Variants in CD2BP2 observed in about 807,000 individuals in gnomAD.
The protein encoded by CD2BP2 is CD2 antigen cytoplasmic tail-binding protein 2.
A neutral mutation model predicts 35.9 loss-of-function variants in CD2BP2; 27 were observed. The ratio of observed to expected loss-of-function variants is 0.75; its 90% CI spans 0.55 to 1.04. The LOEUF (loss-of-function observed/expected upper bound fraction) is 1.04. CD2BP2 is among the 50% of genes least tolerant of loss of function. CD2BP2 has a pLI of 0.00. For missense variants in CD2BP2, 497 were observed against 444.3 expected (o/e 1.12, Z -1.07); for synonymous variants, 213 against 173.5 (o/e 1.23, Z -1.79).
rs1412764742 is a variant in CD2BP2, at chr16:30,353,600, T to C, written c.576A>G (p.Gln192=). Residue 192 remains glutamine (Q), a synonymous_variant, in exon 5 of 7, where the codon CAA becomes CAG. Coordinates refer to ENST00000305596, the MANE Select transcript of CD2BP2 (RefSeq NM_006110.3). ...GGTCCAGGCGCTGAGGGGAACTGGG[T>C]TGCCCAGGCCCCTTTCTCCCTTTGC... ...GGGKGRKGPG[Q]PSSPQRLDRL... is the part of the protein sequence containing the mutation. 1 of 1,613,996 alleles carries C rather than the reference T, an allele frequency of 6.2e-7. No individual in the cohort carries two copies. Among genetic ancestry groups the C allele is most frequent in the African/African-American group, 1.3e-5 (1 of 75,050 alleles).
intron 2 of CD2BP2, 49 bp downstream of exon 2, chr16:30,354,555 A>T: frequency 6.3e-7 from 1 of 1,582,836 alleles, no homozygotes; most frequent in Non-Finnish European, 8.7e-7. Context: ...CTTCCTCTTC[A>T]GGCTTCTAGC....
At position 30,353,744 on chromosome 16, in the gene CD2BP2, C is replaced by A. The variant is rs377253109; in HGVS notation, c.432G>T (p.Glu144Asp). The change falls in exon 5 of 7, where the codon GAG (glutamate) becomes GAT (aspartate). Residue 144 changes from glutamate (E) to aspartate (D), a missense_variant. Transcript: ENST00000305596. ...TCATTGAGGTCTGGCCCAAGCTGTCCTCCTCCTCCGAGTCTGAGGCCTGGC... is the reference window on the plus strand; with the variant it reads ...TCATTGAGGTCTGGCCCAAGCTGTCATCCTCCTCCGAGTCTGAGGCCTGGC... ...GQRQASDSEE[E>D]DSLGQTSMSA... 6.1e-5 allele frequency: 98 copies of A among 1,609,346 alleles called. No homozygotes were observed. Among genetic ancestry groups the A allele is most frequent in the Non-Finnish European group, 8.3e-5 (98 of 1,177,716 alleles).
rs770333616 is a variant in CD2BP2 at position 30,354,201 on chromosome 16, G to A, written c.200C>T (p.Ala67Val). The A allele has an allele frequency of 8.7e-5, 141 of 1,613,898 alleles. 1 individual carries two copies. In the South Asian group the frequency reaches 1.4e-3, roughly 16 times the overall value. Residue 67 changes from alanine (A) to valine (V), a missense_variant, in exon 3 of 7, where the codon GCC becomes GTC. Ala to Val is a moderately conservative substitution (Grantham distance 64). Coordinates refer to ENST00000305596, the MANE Select transcript of CD2BP2 (RefSeq NM_006110.3). ...CAGCTTACCTTCTACATCCTCTGAG[G>A]CCAAGATGTCATATTTGCTGGACCC... ...DGGSSKYDILASEDVEGQEAA... is the reference protein window; with the variant it reads ...DGGSSKYDILVSEDVEGQEAA...
Position 30,352,793 on chromosome 16 carries a change from G to T in CD2BP2, c.*192C>A. 1 of 597,396 alleles carries T rather than the reference G, an allele frequency of 1.7e-6. No individual in the cohort carries two copies. Among genetic ancestry groups the T allele is most frequent in the Admixed American group, 3.0e-5 (1 of 33,826 alleles). The allele number at this position is 597,396 out of a possible 1,614,324, so 37.0% of individuals were successfully genotyped here. On this transcript the variant is annotated 3_prime_UTR_variant, in exon 7 of 7. Coordinates refer to ENST00000305596, the MANE Select transcript of CD2BP2 (RefSeq NM_006110.3). ...ACTCAGGGACCAAGACAAGTCCAAA[G>T]GGACTGTGGAGAAGGCCCCTGGCTT...
Position 30,352,963 on chromosome 16 carries a change from C to T in CD2BP2, c.*22G>A. On this transcript the variant is annotated 3_prime_UTR_variant, in exon 7 of 7. Coordinates refer to ENST00000305596, the MANE Select transcript of CD2BP2 (RefSeq NM_006110.3). Reference sequence around the variant, plus strand: ...ACAAAGTCCAGGAAAGAAGGGCCCACCAAACTGGGCCCCCAGCAGGCTCAG... The same window carrying T: ...ACAAAGTCCAGGAAAGAAGGGCCCATCAAACTGGGCCCCCAGCAGGCTCAG... The T allele has an allele frequency of 6.6e-7, 1 of 1,510,858 alleles. No individual in the cohort carries two copies. Among genetic ancestry groups the T allele is most frequent in the Non-Finnish European group, 9.2e-7 (1 of 1,085,906 alleles). 93.6% of individuals were successfully genotyped at this position (1,510,858 alleles called of 1,614,324 possible). A position where few individuals can be genotyped will look rare whatever the true frequency, so the allele number is the denominator to read the frequency against.
chr16:30,353,552 C>A lies in CD2BP2; in HGVS notation c.624G>T (p.Gln208His). Residue 208 changes from glutamine to histidine, a missense_variant, in exon 5 of 7, where the codon CAG (glutamine) becomes CAT (histidine). Gln to His is a conservative substitution (Grantham distance 24). Transcript: ENST00000305596. ...CACCAAGGTTGCCCCGGGCCACCATCTGGTCGGCCAACCCGGAGAGCCGGT... is the reference window on the plus strand; with the variant it reads ...CACCAAGGTTGCCCCGGGCCACCATATGGTCGGCCAACCCGGAGAGCCGGT... The part of the protein sequence containing the change: ...RLDRLSGLAD[Q>H]MVARGNLGVY... 1 of 1,614,232 alleles carries A rather than the reference C, an allele frequency of 6.2e-7. No homozygotes were observed.
Position 30,353,514 on chromosome 16 carries a change from G to A in CD2BP2, c.662C>T (p.Thr221Ile). Reference protein sequence around the residue: ...ARGNLGVYQETRERLAMRLKG... With the variant: ...ARGNLGVYQEIRERLAMRLKG... ...CAGACGCATAGCCAACCGTTCCCTTGTTTCCTGGTACACACCAAGGTTGCC... is the reference window on the plus strand; with the variant it reads ...CAGACGCATAGCCAACCGTTCCCTTATTTCCTGGTACACACCAAGGTTGCC... The change falls in exon 5 of 7, where the codon ACA becomes ATA. Residue 221 changes from threonine to isoleucine, a missense_variant. Transcript: ENST00000305596. 2.5e-6 allele frequency: 4 copies of A among 1,614,182 alleles called. No individual in the cohort carries two copies. The highest frequency in any genetic ancestry group is 2.5e-6 in the Non-Finnish European group (3 of 1,180,016).
rs781153862 is a variant in CD2BP2 at position 30,351,895 on chromosome 16, A to T, written c.*1090T>A. The T allele has an allele frequency of 6.6e-6, 1 of 152,280 alleles. No homozygotes were observed. Among genetic ancestry groups the T allele is most frequent in the Non-Finnish European group, 1.5e-5 (1 of 68,096 alleles). 9.4% of individuals were successfully genotyped at this position (152,280 alleles called of 1,614,324 possible). On this transcript the variant is annotated 3_prime_UTR_variant, in exon 7 of 7. Transcript: ENST00000305596. ...CAGCTCAATCTGAATCTCCAAAGAGATATTACAGCTCCCCAGGAGACTCCA... is the reference window on the plus strand; with the variant it reads ...CAGCTCAATCTGAATCTCCAAAGAGTTATTACAGCTCCCCAGGAGACTCCA...
At position 30,354,034 on chromosome 16, in the gene CD2BP2, C is replaced by G; in HGVS notation, c.242G>C (p.Ser81Thr). Residue 81 changes from serine (S) to threonine (T), a missense_variant, in exon 4 of 7, where the codon AGC becomes ACC. Physicochemically the swap from Ser to Thr is moderately conservative, Grantham distance 58. Transcript: ENST00000305596. ...VEGQEAATLP[S>T]EGGVRITPFN... ...GGGTGTGATCCGAACACCCCCCTCG[C>G]TGGGGAGTGTGGCTGCCTCCTGACC... 6.2e-7 allele frequency: 1 copy of G among 1,614,156 alleles called. No individual in the cohort carries two copies. Among genetic ancestry groups the G allele is most frequent in the Non-Finnish European group, 8.5e-7 (1 of 1,180,024 alleles).
intron 1 of CD2BP2, 101 bp from the exon 2 acceptor site, chr16:30,354,808 G>A: frequency 3.6e-6 from 3 of 841,402 alleles, no homozygotes; most frequent in South Asian, 2.9e-5. Context: ...GGTACAGTTT[G>A]GGAGCGGAGG....
In CD2BP2 at chr16:30,353,443, G is replaced by A. The variant is rs1334591609; in HGVS notation, c.733C>T (p.Pro245Ser). ...QTLGPHNPTP[P>S]PSLDMFAEEL... Reference sequence around the variant, plus strand: ...TCAGCGAACATGTCCAGGGAGGGTGGGGGTGTGGGATTGTGGGGTCCTAGG... The same window carrying A: ...TCAGCGAACATGTCCAGGGAGGGTGAGGGTGTGGGATTGTGGGGTCCTAGG... Residue 245 changes from proline (P) to serine (S), a missense_variant, in exon 5 of 7, where the codon CCA (proline) becomes TCA (serine). Pro to Ser is a moderately conservative substitution (Grantham distance 74). Transcript: ENST00000305596. 6.2e-7 allele frequency: 1 copy of A among 1,614,120 alleles called. No individual in the cohort carries two copies. Among genetic ancestry groups the A allele is most frequent in the Admixed American group, 1.7e-5 (1 of 60,020 alleles).
intron 3 of CD2BP2, 31 bp from the exon 4 acceptor site, chr16:30,354,089 G>A (rs1341257506): frequency 1.9e-6 from 3 of 1,612,862 alleles, no homozygotes; most frequent in African/African-American, 1.3e-5. Context: ...CCCTTTTCCA[G>A]GCATGGAAAA....
chr16:30,353,478 C>G lies in CD2BP2; in HGVS notation c.698G>C (p.Gly233Ala), dbSNP rs1192544548. The change falls in exon 5 of 7, where the codon GGG (glycine) becomes GCG (alanine). Residue 233 changes from glycine (G) to alanine (A), a missense_variant. Transcript: ENST00000305596. ...ATTGTGGGGTCCTAGGGTCTGACAC[C>G]CCAAACCCTTCAGACGCATAGCCAA... Reference protein sequence around the residue: ...ERLAMRLKGLGCQTLGPHNPT... With the variant: ...ERLAMRLKGLACQTLGPHNPT... 1.2e-6 allele frequency: 2 copies of G among 1,614,084 alleles called. No homozygotes were observed. The highest frequency in any genetic ancestry group is 1.1e-5 in the South Asian group (1 of 91,086).
At chr16:30,355,028 C>T (rs1036973042) in intron 1 of CD2BP2, 184 bp downstream of exon 1, 3 of 317,506 alleles carry the variant, frequency 9.4e-6, no homozygotes, top group Middle Eastern at 2.0e-3. Context: ...GGCTGACCCC[C>T]GCTCTCTACC....
chr16:30,353,152 A>C lies in CD2BP2; in HGVS notation c.915+29T>G. Reference sequence around the variant, plus strand: ...TGACAGGAGTGGGGGAAGCAGGGACAAGGCAGGAGGAGGGAGAAAGCAGCT... The same window carrying C: ...TGACAGGAGTGGGGGAAGCAGGGACCAGGCAGGAGGAGGGAGAAAGCAGCT... On this transcript the variant is annotated intron_variant, in intron 6 of 6. Coordinates refer to ENST00000305596, the MANE Select transcript of CD2BP2 (RefSeq NM_006110.3). 1.2e-6 allele frequency: 2 copies of C among 1,607,542 alleles called. 1 individual carries two copies. The highest frequency in any genetic ancestry group is 2.2e-5 in the South Asian group (2 of 90,936).
chr16:30,354,568 C>T (rs200280063), intron 2 of CD2BP2, 36 bp downstream of exon 2: 349 of 1,600,530 alleles, frequency 2.2e-4, no homozygotes, highest in Non-Finnish European at 2.9e-4. Flanking sequence ...CTTCTAGCTC[C>T]TCTTTCCCCC....
Position 30,353,945 on chromosome 16 carries a change from G to C in CD2BP2, c.331C>G (p.Arg111Gly). Residue 111 changes from arginine (R) to glycine (G), a missense_variant, in exon 4 of 7, where the codon CGG (arginine) becomes GGG (glycine). By Grantham distance (125) the Arg-to-Gly change is moderately radical (BLOSUM62 -2). Coordinates refer to ENST00000305596, the MANE Select transcript of CD2BP2 (RefSeq NM_006110.3). ...CAGCTGTCTCGGATCTGAGCATCCC[G>C]GTTCAGGAAGTAGTTGCCATCGGCA... ...FDADGNYFLN[R>G]DAQIRDSWLD... is the part of the protein sequence containing the mutation. 6.2e-7 allele frequency: 1 copy of C among 1,614,128 alleles called. No individual in the cohort carries two copies.
intron 3 of CD2BP2, 39 bp from the exon 4 acceptor site, chr16:30,354,097 A>T: frequency 6.2e-7 from 1 of 1,601,702 alleles, no homozygotes; most frequent in Non-Finnish European, 8.5e-7. Flanking sequence ...CAGGCATGGA[A>T]AAAAGAGACC....
chr16:30,354,675 T>A lies in CD2BP2; in HGVS notation c.7A>T (p.Lys3Ter). 5.6e-6 allele frequency: 9 copies of A among 1,613,944 alleles called. No individual in the cohort carries two copies. Among genetic ancestry groups the A allele is most frequent in the Non-Finnish European group, 7.6e-6 (9 of 1,179,958 alleles). Residue 3 changes from lysine to a stop codon, truncating the protein, a stop_gained, in exon 2 of 7, where the codon AAG becomes TAG. Coordinates refer to ENST00000305596, the MANE Select transcript of CD2BP2 (RefSeq NM_006110.3). LOFTEE classifies it high-confidence loss of function. MP[K>*]RKVTFQGVGD... ...ACGCCTTGGAAGGTCACTTTCCTCT[T>A]TGGCATGACGGGGCAAAGAGGTGTT...
Sources: allele counts gnomAD v4.1 joint callset, GRCh38; gene constraint gnomAD v4.1.1; transcripts MANE v1.5; gene names NCBI Gene and HGNC (gene_info 2026-07-23, HGNC 2026-07-21).